EPHB1: variants seen among roughly 807,000 people sequenced by gnomAD.
EPHB1 encodes the protein ephrin type-B receptor 1.
In EPHB1, 30 loss-of-function variants were observed where a neutral mutation model predicts 94.4. The observed-to-expected ratio is 0.32, with a 90% confidence interval of 0.24 to 0.43. EPHB1 has a LOEUF of 0.43. EPHB1 is among the 20% of genes least tolerant of loss of function. EPHB1 has a pLI of 1.00. For synonymous variants in EPHB1, 522 were observed against 489.1 expected (o/e 1.07, Z -0.89); for missense variants, 1,055 against 1,308.3 (o/e 0.81, Z 2.99).
intron 2 of EPHB1, among the ~76,000 whole-genome samples, chr3:134,927,131 C>T (rs557712962): frequency 2.4e-4 from 36 of 152,276 alleles, no homozygotes; most frequent in African/African-American, 7.2e-4. Flanking sequence ...CTTCTCTCTG[C>T]GTCCCATCCC....
At chr3:135,241,405 C>G (rs1474591486) in intron 13 of EPHB1, 108 bp downstream of exon 13, 5 of 1,381,384 alleles carry the variant, frequency 3.6e-6, no homozygotes, top group Admixed American at 3.5e-5. Flanking sequence ...TAATCTGAAC[C>G]TGCAGTGTTC....
At chr3:135,209,477 A>AT (rs1294726531) in intron 12 of EPHB1, among the ~76,000 whole-genome samples, 1 of 152,356 alleles carries the variant, frequency 6.6e-6, no homozygotes, top group East Asian at 1.9e-4. Flanking sequence ...AATACTTGCA[A>AT]TACTCTGTTC....
chr3:135,048,772 G>T (rs1375475980), intron 3 of EPHB1, among the ~76,000 whole-genome samples: 2 of 152,214 alleles, frequency 1.3e-5, no homozygotes, highest in African/African-American at 2.4e-5. Flanking sequence ...TTGCTAAAGG[G>T]CCACTGTGTC....
At chr3:134,795,816 A>T (rs1476104589) in intron 1 of EPHB1, 127 bp downstream of exon 1, 3 of 1,079,606 alleles carry the variant, frequency 2.8e-6, no homozygotes, top group Non-Finnish European at 4.1e-6. Flanking sequence ...GAGGGCAAGG[A>T]GGTTTGGGAG....
intron 5 of EPHB1, among the ~76,000 whole-genome samples, chr3:135,138,860 A>G (rs980842302): frequency 6.6e-6 from 1 of 152,220 alleles, no homozygotes; most frequent in Non-Finnish European, 1.5e-5. Flanking sequence ...TTGGGAAGGA[A>G]CTTCCAAGTG....
In EPHB1 at chr3:135,236,988, C is replaced by T. The variant is rs1392954140; in HGVS notation, c.2347-4160C>T. Among the ~76,000 whole-genome samples, 3 of 152,154 alleles carry T rather than the reference C, an allele frequency of 2.0e-5. No homozygotes were observed. In the East Asian group the frequency reaches 5.8e-4, roughly 29 times the overall value. On this transcript the variant is annotated intron_variant, in intron 12 of 15. Transcript: ENST00000398015. ...CTTCTGTAACCTCACCGTGGCAAGA[C>T]AGTGTGCTGGCTGGATGGTGTTAGG...
intron 3 of EPHB1, among the ~76,000 whole-genome samples, chr3:135,015,535 C>G (rs1002347446): frequency 1.3e-5 from 2 of 152,190 alleles, no homozygotes; most frequent in African/African-American, 4.8e-5. Context: ...AGCCACCATG[C>G]CCAGCTTGTT....
chr3:134,884,518 A>G (rs2037823693), intron 1 of EPHB1, among the ~76,000 whole-genome samples: 1 of 152,204 alleles, frequency 6.6e-6, no homozygotes, highest in Non-Finnish European at 1.5e-5. Flanking sequence ...TATTTTTGCT[A>G]GAGAATATGG....
intron 3 of EPHB1, among the ~76,000 whole-genome samples, chr3:135,049,596 A>G (rs1237997456): frequency 6.6e-6 from 1 of 152,234 alleles, no homozygotes; most frequent in African/African-American, 2.4e-5. Flanking sequence ...GCCTTGGCCT[A>G]GAAACTGGCA....
intron 1 of EPHB1, among the ~76,000 whole-genome samples, chr3:134,817,233 T>C (rs111764922): frequency 3.9e-5 from 6 of 152,352 alleles, no homozygotes; most frequent in African/African-American, 1.4e-4. Flanking sequence ...TTCCCCTCTC[T>C]GTGGCCCCAG....
chr3:135,245,142 A>G (rs936008625), intron 13 of EPHB1, among the ~76,000 whole-genome samples: 5 of 152,218 alleles, frequency 3.3e-5, no homozygotes, highest in Admixed American at 1.3e-4. Flanking sequence ...GAAGACATCT[A>G]CTAAAATAGA....
chr3:134,882,802 CTT>C (rs1292338079), intron 1 of EPHB1, among the ~76,000 whole-genome samples: 1 of 69,442 alleles, frequency 1.4e-5, no homozygotes, highest in African/African-American at 4.9e-5. Flanking sequence ...TTCTTTCTTT[CTT>C]TCTTTCTTTC....
intron 12 of EPHB1, among the ~76,000 whole-genome samples, chr3:135,208,408 GGC>G (rs1192917759): frequency 1.3e-5 from 2 of 151,694 alleles, no homozygotes; most frequent in Admixed American, 1.3e-4. Context: ...AAAATAGCCT[GGC>G]TTTTCCTTAG....
chr3:135,184,633 G>A (rs747614382), intron 10 of EPHB1, among the ~76,000 whole-genome samples: 4 of 152,166 alleles, frequency 2.6e-5, no homozygotes, highest in Non-Finnish European at 4.4e-5. Flanking sequence ...AAAATCTGGA[G>A]AACTAGGTAG....
intron 1 of EPHB1, among the ~76,000 whole-genome samples, chr3:134,922,667 T>C (rs1281087893): frequency 6.6e-6 from 1 of 152,186 alleles, no homozygotes; most frequent in Non-Finnish European, 1.5e-5. Flanking sequence ...TCCTCCAACA[T>C]GATCTTGCTG....
At chr3:134,796,954 G>T (rs1194912807) in intron 1 of EPHB1, among the ~76,000 whole-genome samples, 1 of 152,202 alleles carries the variant, frequency 6.6e-6, no homozygotes, top group Non-Finnish European at 1.5e-5. Context: ...ACGATGGTTT[G>T]GTGCCCCCCG....
chr3:134,835,085 G>T (rs558664558), intron 1 of EPHB1, among the ~76,000 whole-genome samples: 11 of 152,332 alleles, frequency 7.2e-5, no homozygotes, highest in African/African-American at 2.2e-4. Flanking sequence ...CTCTTTCTTG[G>T]CTTCCACAAG....
rs772698962 is a variant in EPHB1, at chr3:135,230,395, CA to C, written c.2347-10752del. On this transcript the variant is annotated intron_variant, in intron 12 of 15. Coordinates refer to ENST00000398015, the MANE Select transcript of EPHB1 (RefSeq NM_004441.5). ...TCTCTGTTCATTATCAGTACCCCAC[CA>C]TCTAGGAGAGCAAAGTGTCTAGAGA... Among the ~76,000 whole-genome samples the C allele has an allele frequency of 3.1e-3, 469 of 152,194 alleles. 1 individual carries two copies. Among genetic ancestry groups the C allele is most frequent in the Non-Finnish European group, 5.2e-3 (354 of 68,012 alleles).
At chr3:135,013,456 G>A (rs74774933) in intron 3 of EPHB1, among the ~76,000 whole-genome samples, 363 of 152,322 alleles carry the variant, frequency 2.4e-3, no homozygotes, top group Non-Finnish European at 4.2e-3. Flanking sequence ...ACCGCATACC[G>A]AGGAATCCGT....
Sources: gnomAD v4.1 joint callset for allele counts (sites outside exome capture counted in the v4.1 genomes callset) on GRCh38, gnomAD v4.1.1 for gene constraint, MANE v1.5 for transcripts, NCBI Gene and HGNC (gene_info 2026-07-23, HGNC 2026-07-21) for gene names.